Variants in CAPN15 observed in about 807,000 individuals in gnomAD.
CAPN15 encodes the protein calpain 15, also known as calpain-15.
A neutral mutation model predicts 97.9 loss-of-function variants in CAPN15; 53 were observed. The ratio of observed to expected loss-of-function variants is 0.54; its 90% confidence interval spans 0.43 to 0.68. CAPN15 has a LOEUF of 0.68. CAPN15 is among the 30% of genes least tolerant of loss of function. The pLI, the probability that CAPN15 is intolerant of heterozygous loss-of-function variation, is 0.00. For synonymous variants in CAPN15, 922 were observed against 722.5 expected, an observed-to-expected ratio of 1.28 and a Z score of -4.43; for missense variants, 1,592 against 1,589.8, an observed-to-expected ratio of 1.00 and a Z score of -0.02.
At position 552,944 on chromosome 16, in the gene CAPN15, G is replaced by T. The variant is rs551332419; in HGVS notation, c.2986G>T (p.Ala996Ser). Residue 996 changes from alanine to serine, a missense_variant, in exon 13 of 14, where the codon GCC (alanine) becomes TCC (serine). Physicochemically the swap from Ala to Ser is moderately conservative, Grantham distance 99. Around this residue, in one of 3 missense-constraint regions of CAPN15, gnomAD observed 644 missense variants for 699.6 expected, o/e 0.92. Transcript: ENST00000219611. This position sits in a 1 kb window ranked among gnomAD's most constrained non-coding sequence, Gnocchi z 6.4. ...IVVVENRHPK[A>S]YLHVQCDCTD... The stretch of plus-strand genomic sequence containing the variant: ...GGTGGTGGAGAACCGACACCCCAAG[G>T]CCTACCTGCACGTGCAGTGTGACTG... 2.8e-4 allele frequency: 458 copies of T among 1,612,014 alleles called. 5 individuals are homozygous for T. In the Admixed American group the frequency reaches 7.5e-3, roughly 27 times the overall value.
intron 3 of CAPN15, among the ~76,000 whole-genome samples, chr16:541,292 C>T (rs1443821680): frequency 6.6e-6 from 1 of 152,200 alleles, no homozygotes; most frequent in African/African-American, 2.4e-5. Flanking sequence ...GGGGATTAGC[C>T]AGGGGCTGTG....
chr16:552,250 A>G lies in CAPN15; in HGVS notation c.2507+38A>G, dbSNP rs552774366. ...GGGCCCCATCGGGCTGGGCTGGGCTAGGCTGGCGGCCGTGACCACGCGTGA... is the reference window on the plus strand; with the variant it reads ...GGGCCCCATCGGGCTGGGCTGGGCTGGGCTGGCGGCCGTGACCACGCGTGA... On this transcript the variant is annotated intron_variant, in intron 10 of 13. Transcript: ENST00000219611. The surrounding 1 kb of genome is among the most constrained non-coding windows in gnomAD (Gnocchi z 6.4). 26 of 1,534,676 alleles carry G rather than the reference A, an allele frequency of 1.7e-5. No individual in the cohort carries two copies. Among genetic ancestry groups the G allele is most frequent in the Middle Eastern group, 3.5e-4 (2 of 5,710 alleles).
intron 3 of CAPN15, among the ~76,000 whole-genome samples, chr16:542,921 G>T (rs765520343): frequency 1.1e-4 from 17 of 152,228 alleles, no homozygotes; most frequent in Non-Finnish European, 1.8e-4. Context: ...CGTGGTGACG[G>T]GCACCTATAA....
chr16:553,173 A>C (rs1305419609), intron 13 of CAPN15, 132 bp downstream of exon 13: 4 of 200,502 alleles, frequency 2.0e-5, no homozygotes, highest in South Asian at 4.0e-5. Context: ...ACCCACACCC[A>C]ACCCATGCCC....
rs1402378527 is a variant in CAPN15, at chr16:536,019, G to T, written c.-136-10G>T. 1 of 74,366 alleles carries T rather than the reference G, an allele frequency of 1.3e-5. No homozygotes were observed. Among genetic ancestry groups the T allele is most frequent in the African/African-American group, 1.7e-4 (1 of 5,888 alleles). The allele number at this position is 74,366 out of a possible 1,614,324, so 4.6% of individuals were successfully genotyped here. ...CCCCTGCACGCCCCCCCCCCCCCCC[G>T]GTTATTCAGACAGGGAGCCAGGATG... On this transcript the variant is annotated splice_polypyrimidine_tract_variant and intron_variant, in intron 2 of 13. Transcript: ENST00000219611.
rs570766069 is a variant in CAPN15 at position 534,117 on chromosome 16, A to C, written c.-137+119A>C. On this transcript the variant is annotated intron_variant, in intron 2 of 13. Coordinates refer to ENST00000219611, the MANE Select transcript of CAPN15 (RefSeq NM_005632.3). ...GGGGGCCTCTCGGAGCCCTTGATTC[A>C]CAGAACCCCTGGAGGCCGGCAGCCC... is the stretch of plus-strand genomic sequence containing the variant. The C allele has an allele frequency of 1.1e-4, 27 of 243,946 alleles. No individual in the cohort carries two copies. The East Asian group carries it at 0.019, about 175-fold the overall frequency. The allele number at this position is 243,946 out of a possible 1,614,324, so 15.1% of individuals were successfully genotyped here.
At chr16:551,226 T>A in intron 7 of CAPN15, 76 bp from the exon 8 acceptor site, 1 of 1,352,146 alleles carries the variant, frequency 7.4e-7, no homozygotes, top group South Asian at 1.3e-5. Context: ...AGGGTCCCGG[T>A]CAGTGAGGGT....
At chr16:551,854 A>C in intron 9 of CAPN15, 190 bp downstream of exon 9, 1 of 976,838 alleles carries the variant, frequency 1.0e-6, no homozygotes, top group Admixed American at 2.0e-5. Context: ...AGCAGATTCC[A>C]GCGCCCTGAA....
Position 553,653 on chromosome 16 carries a change from G to A in CAPN15, c.*137G>A. On this transcript the variant is annotated 3_prime_UTR_variant, in exon 14 of 14. Coordinates refer to ENST00000219611, the MANE Select transcript of CAPN15 (RefSeq NM_005632.3). The stretch of plus-strand genomic sequence containing the variant: ...CAGGGAGCTGCCAGCCCAGGGCTCA[G>A]CTTCCCATGGGCCCCCCGCCCCCCT... 1.8e-6 allele frequency: 1 copy of A among 554,158 alleles called. No homozygotes were observed. Among genetic ancestry groups the A allele is most frequent in the Admixed American group, 3.6e-5 (1 of 27,782 alleles). The allele number at this position is 554,158 out of a possible 1,614,324, so 34.3% of individuals were successfully genotyped here.
chr16:543,312 G>C (rs1392240592), intron 3 of CAPN15: 1 of 154,580 alleles, frequency 6.5e-6, no homozygotes, highest in Non-Finnish European at 1.5e-5. Context: ...GCAGCCTCGG[G>C]CCACACTCCC....
chr16:540,470 G>T (rs1193507032), intron 3 of CAPN15: 1 of 488,528 alleles, frequency 2.0e-6, no homozygotes, highest in African/African-American at 2.1e-5. Context: ...CAGAGAAGTG[G>T]GTCCCTGCTC....
At chr16:529,533 G>A (rs554774645) in intron 1 of CAPN15, among the ~76,000 whole-genome samples, 4 of 152,206 alleles carry the variant, frequency 2.6e-5, no homozygotes, top group Non-Finnish European at 5.9e-5. Context: ...CAGTTCACAC[G>A]AGGCAATTGG....
Position 552,311 on chromosome 16 carries a change from G to T in CAPN15, c.2518G>T (p.Ala840Ser), listed in dbSNP as rs369034779. Residue 840 changes from alanine to serine, a missense_variant, in exon 11 of 14, where the codon GCC (alanine) becomes TCC (serine). Ala to Ser is a moderately conservative substitution (Grantham distance 99, BLOSUM62 1). Around this residue, in one of 3 missense-constraint regions of CAPN15, gnomAD observed 644 missense variants for 699.6 expected, o/e 0.92. Coordinates refer to ENST00000219611, the MANE Select transcript of CAPN15 (RefSeq NM_005632.3). This position sits in a 1 kb window ranked among gnomAD's most constrained non-coding sequence, Gnocchi z 6.4. ...TGGTGTCTGGCGCAGGCGCTCGGAC[G>T]CCGTGGACAGCCACCTGCTGGACCT... ...LFQEGSRRSDAVDSHLLDLCI... is the reference protein window; with the variant it reads ...LFQEGSRRSDSVDSHLLDLCI... 1 of 1,562,814 alleles carries T rather than the reference G, an allele frequency of 6.4e-7. No homozygotes were observed. The highest frequency in any genetic ancestry group is 8.6e-7 in the Non-Finnish European group (1 of 1,159,308).
chr16:541,168 C>T (rs549428990), intron 3 of CAPN15, among the ~76,000 whole-genome samples: 4 of 152,336 alleles, frequency 2.6e-5, no homozygotes, highest in South Asian at 4.1e-4. Flanking sequence ...GAGGGACGGG[C>T]GTGGAGCTGC....
intron 8 of CAPN15, 28 bp downstream of exon 8, chr16:551,455 G>GA (rs1345421994): frequency 8.1e-6 from 13 of 1,600,716 alleles, no homozygotes; most frequent in Non-Finnish European, 8.5e-6. Context: ...GAGGGTGGGT[G>GA]GGGTGCCGGT....
chr16:534,266 CTGT>C, intron 2 of CAPN15, among the ~76,000 whole-genome samples: 1 of 29,736 alleles, frequency 3.4e-5, no homozygotes, highest in African/African-American at 7.7e-4. Flanking sequence ...CTCCCCTGTG[CTGT>C]GGCCCCGGCC....
chr16:544,929 C>G (rs184765364), intron 3 of CAPN15, among the ~76,000 whole-genome samples: 24 of 144,854 alleles, frequency 1.7e-4, no homozygotes, highest in African/African-American at 6.1e-4. Context: ...CTGCCCTGAG[C>G]CCGCTCCCTT....
In CAPN15 at chr16:545,896, G is replaced by A. The variant is rs989956351; in HGVS notation, c.-22-921G>A. On this transcript the variant is annotated intron_variant, in intron 3 of 13. Transcript: ENST00000219611. Reference sequence around the variant, plus strand: ...CGGCAGCCAGGCCGAGGAACGTGCAGGTGCGGCCGGGAGCCCGCCGGCCAC... The same window carrying A: ...CGGCAGCCAGGCCGAGGAACGTGCAAGTGCGGCCGGGAGCCCGCCGGCCAC... Among the ~76,000 whole-genome samples, 5 of 152,264 alleles carry A rather than the reference G, an allele frequency of 3.3e-5. No homozygotes were observed. In the East Asian group the frequency reaches 9.6e-4, roughly 29 times the overall value.
Position 548,007 on chromosome 16 carries a change from G to A in CAPN15, c.1169G>A (p.Ser390Asn). 1 of 1,577,438 alleles carries A rather than the reference G, an allele frequency of 6.3e-7. No homozygotes were observed. The highest frequency in any genetic ancestry group is 2.4e-5 in the East Asian group (1 of 42,378). The change falls in exon 4 of 14, where the codon AGC becomes AAC. Residue 390 changes from serine (S) to asparagine (N), a missense_variant. By Grantham distance (46) the Ser-to-Asn change is conservative (BLOSUM62 1). This residue lies in a region of CAPN15 where 883 missense variants were observed against 776.6 expected (regional missense o/e 1.14). Transcript: ENST00000219611. Reference protein sequence around the residue: ...HCPDCGADKPSPCGRSCGRVS... With the variant: ...HCPDCGADKPNPCGRSCGRVS... The stretch of plus-strand genomic sequence containing the variant: ...CCCGACTGTGGGGCCGACAAGCCCA[G>A]CCCCTGCGGCAGAAGCTGCGGACGG...
Sources: allele counts gnomAD v4.1 joint callset (sites outside exome capture counted in the v4.1 genomes callset), GRCh38; gene constraint gnomAD v4.1.1; regional missense constraint gnomAD v4.1.1; non-coding constraint Gnocchi (gnomAD v3.1); transcripts MANE v1.5; gene names NCBI Gene and HGNC (gene_info 2026-07-23, HGNC 2026-07-21).